PTPRD: variants seen among roughly 807,000 people sequenced by gnomAD.
PTPRD encodes the protein receptor-type tyrosine-protein phosphatase delta.
Under a neutral mutation model 214.5 loss-of-function variants are expected in PTPRD, and 34 were observed. That is an observed-to-expected ratio of 0.16 (90% CI 0.12 to 0.21). The LOEUF is 0.21. PTPRD is among the 10% of genes least tolerant of loss of function. The pLI, the probability that PTPRD is intolerant of heterozygous loss-of-function variation, is 1.00. For missense variants in PTPRD, 2,545 were observed against 2,398.7 expected, an observed-to-expected ratio of 1.06 and a Z score of -1.27; for synonymous variants, 1,128 against 845.7, an observed-to-expected ratio of 1.33 and a Z score of -5.79.
chr9:9,266,040 G>C (rs1939403138), intron 9 of PTPRD, among the ~76,000 whole-genome samples: 1 of 151,424 alleles, frequency 6.6e-6, no homozygotes, highest in Admixed American at 6.6e-5. Flanking sequence ...GATTGATAAA[G>C]ATATTGTATG....
At chr9:8,411,277 C>CT (rs35829834) in intron 35 of PTPRD, among the ~76,000 whole-genome samples, 1 of 151,668 alleles carries the variant, frequency 6.6e-6, no homozygotes, top group African/African-American at 2.4e-5. Flanking sequence ...TTACTATATA[C>CT]TTTTTTAAAA....
intron 2 of PTPRD, among the ~76,000 whole-genome samples, chr9:10,541,104 A>C (rs1225011753): frequency 6.6e-6 from 1 of 152,200 alleles, no homozygotes; most frequent in South Asian, 2.1e-4. Flanking sequence ...TGCTTCCTTT[A>C]TTTATCTGCT....
At chr9:8,511,907 A>G (rs2097690389) in intron 21 of PTPRD, among the ~76,000 whole-genome samples, 1 of 152,074 alleles carries the variant, frequency 6.6e-6, no homozygotes, top group Admixed American at 6.6e-5. Flanking sequence ...TGTGAAAGCA[A>G]CTCCAAGACA....
intron 3 of PTPRD, among the ~76,000 whole-genome samples, chr9:10,173,416 C>T (rs1379095325): frequency 6.6e-6 from 1 of 152,068 alleles, no homozygotes; most frequent in African/African-American, 2.4e-5. Flanking sequence ...TGACTCACAG[C>T]TAGTAAGATG....
intron 35 of PTPRD, among the ~76,000 whole-genome samples, chr9:8,416,771 G>T (rs920637495): frequency 3.3e-5 from 5 of 151,932 alleles, no homozygotes; most frequent in Non-Finnish European, 7.4e-5. Context: ...GACAATGAGG[G>T]GTGGATTATC....
intron 2 of PTPRD, among the ~76,000 whole-genome samples, chr9:10,415,799 T>A (rs1220390952): frequency 6.6e-6 from 1 of 151,764 alleles, no homozygotes; most frequent in Non-Finnish European, 1.5e-5. Context: ...GAGGTGGTGA[T>A]TTTTACAGAA....
chr9:9,988,330 C>T (rs1442687170), intron 4 of PTPRD, among the ~76,000 whole-genome samples: 1 of 151,968 alleles, frequency 6.6e-6, no homozygotes, highest in Non-Finnish European at 1.5e-5. Flanking sequence ...GTTTTGTTTT[C>T]TCTATCAGAA....
At chr9:9,955,526 GTT>G (rs779657484) in intron 4 of PTPRD, among the ~76,000 whole-genome samples, 4 of 134,022 alleles carry the variant, frequency 3.0e-5, no homozygotes, top group Non-Finnish European at 3.5e-5. Context: ...GTTTTGTTTT[GTT>G]TTTTTTTTTT....
At chr9:9,830,306 T>A (rs1216049639) in intron 5 of PTPRD, among the ~76,000 whole-genome samples, 1 of 151,862 alleles carries the variant, frequency 6.6e-6, no homozygotes, top group Non-Finnish European at 1.5e-5. Flanking sequence ...ACATCCCATT[T>A]TTTATTTGCC....
intron 3 of PTPRD, among the ~76,000 whole-genome samples, chr9:10,297,267 C>A (rs935938688): frequency 6.6e-6 from 1 of 151,502 alleles, no homozygotes; most frequent in African/African-American, 2.4e-5. Context: ...ATTTGTGGCA[C>A]CATCTATAAC....
chr9:8,429,446 GTC>G (rs1275308183), intron 35 of PTPRD, among the ~76,000 whole-genome samples: 2 of 152,212 alleles, frequency 1.3e-5, no homozygotes, highest in Admixed American at 6.5e-5. Context: ...TGTTTTTAAT[GTC>G]TCTATACGTC....
At chr9:10,162,663 GTATATGTATA>G (rs1158750926) in intron 3 of PTPRD, among the ~76,000 whole-genome samples, 3 of 143,592 alleles carry the variant, frequency 2.1e-5, no homozygotes, top group Non-Finnish European at 4.6e-5. Flanking sequence ...ATATATACAT[GTATATGTATA>G]TACATGTATA....
intron 6 of PTPRD, among the ~76,000 whole-genome samples, chr9:9,753,383 G>C (rs1189486445): frequency 6.6e-6 from 1 of 152,026 alleles, no homozygotes; most frequent in Non-Finnish European, 1.5e-5. Context: ...AGCTGGTATA[G>C]TTAAGTGTCT....
At chr9:9,184,428 AG>A (rs1399479137) in intron 9 of PTPRD, among the ~76,000 whole-genome samples, 3 of 152,000 alleles carry the variant, frequency 2.0e-5, no homozygotes, top group African/African-American at 7.2e-5. Context: ...AAGGACCTAA[AG>A]GAGGAAAGGT....
At chr9:9,228,542 T>C (rs748628091) in intron 9 of PTPRD, among the ~76,000 whole-genome samples, 3 of 152,098 alleles carry the variant, frequency 2.0e-5, no homozygotes, top group Non-Finnish European at 2.9e-5. Flanking sequence ...CTGTATCTTT[T>C]TTTTCTCATA....
intron 39 of PTPRD, among the ~76,000 whole-genome samples, chr9:8,353,910 G>GTATATATGTA (rs1564201779): frequency 9.9e-6 from 1 of 100,748 alleles, no homozygotes; most frequent in Non-Finnish European, 2.2e-5. Context: ...GTATATATGT[G>GTATATATGTA]TATATATGTA....
At chr9:8,850,491 A>G (rs1330687834) in intron 11 of PTPRD, among the ~76,000 whole-genome samples, 2 of 152,206 alleles carry the variant, frequency 1.3e-5, no homozygotes, top group South Asian at 2.1e-4. Context: ...CATATTTCCA[A>G]TGGAAGATGC....
chr9:8,511,781 CTTAAT>C (rs2097687863), intron 21 of PTPRD, among the ~76,000 whole-genome samples: 1 of 152,098 alleles, frequency 6.6e-6, no homozygotes. Context: ...TGATTACTTA[CTTAAT>C]GTCCACAAGG....
intron 8 of PTPRD, among the ~76,000 whole-genome samples, chr9:9,489,840 T>C (rs1001436834): frequency 6.6e-6 from 1 of 152,020 alleles, no homozygotes; most frequent in Non-Finnish European, 1.5e-5. Context: ...AAAAAATATT[T>C]AATGAAATAG....
Sources: gnomAD v4.1 joint callset for allele counts (sites outside exome capture counted in the v4.1 genomes callset) on GRCh38, gnomAD v4.1.1 for gene constraint, MANE v1.5 for transcripts, NCBI Gene and HGNC (gene_info 2026-07-23, HGNC 2026-07-21) for gene names.